Variants in WNT10B observed in about 807,000 individuals in gnomAD.
WNT10B encodes the protein Wnt family member 10B.
Under a neutral mutation model 32.7 loss-of-function variants are expected in WNT10B, and 26 were observed. The observed-to-expected ratio is 0.79, with a 90% CI of 0.58 to 1.10. The LOEUF (loss-of-function observed/expected upper bound fraction) is 1.10, where lower values mean the gene tolerates loss of function less well. WNT10B is among the 50% of genes least tolerant of loss of function. The pLI, the probability that WNT10B is intolerant of heterozygous loss-of-function variation, is 0.00. For missense variants in WNT10B, 474 were observed against 532.5 expected (o/e 0.89, Z 1.08); for synonymous variants, 204 against 220.4 (o/e 0.93, Z 0.66).
Position 48,970,416 on chromosome 12 carries a change from C to T in WNT10B, c.74+40G>A. Reference sequence around the variant, plus strand: ...CCCTCCAACTCTCCCCACCCCGGGTCGGTGTTTCTATGGCCTGGGAGACAA... The same window carrying T: ...CCCTCCAACTCTCCCCACCCCGGGTTGGTGTTTCTATGGCCTGGGAGACAA... On this transcript the variant is annotated intron_variant, in intron 2 of 4. Coordinates refer to ENST00000301061, the MANE Select transcript of WNT10B (RefSeq NM_003394.4). This position sits in a 1 kb window ranked among gnomAD's most constrained non-coding sequence, Gnocchi z 5.0. The T allele has an allele frequency of 6.2e-7, 1 of 1,613,824 alleles. No individual in the cohort carries two copies. The highest frequency in any genetic ancestry group is 1.3e-5 in the African/African-American group (1 of 75,040).
chr12:48,968,090 G>A lies in WNT10B; in HGVS notation c.567C>T (p.Gly189=). 1 of 1,614,240 alleles carries A rather than the reference G, an allele frequency of 6.2e-7. No individual in the cohort carries two copies. The highest frequency in any genetic ancestry group is 8.5e-7 in the Non-Finnish European group (1 of 1,180,042). Reference sequence around the variant, plus strand: ...CACCCCATTCCCATGTGTCCTGGGGGCCAGGGCTGGGGCTTGAGCCAGGGC... The same window carrying A: ...CACCCCATTCCCATGTGTCCTGGGGACCAGGGCTGGGGCTTGAGCCAGGGC... ...SPGPGSSPSP[G]PQDTWEWGGC... is the part of the protein sequence containing the mutation. The change falls in exon 4 of 5, where the codon GGC becomes GGT. Residue 189 remains glycine, a synonymous_variant. Coordinates refer to ENST00000301061, the MANE Select transcript of WNT10B (RefSeq NM_003394.4).
Position 48,966,288 on chromosome 12 carries a change from G to A in WNT10B, c.977C>T (p.Ser326Phe). 5 of 1,614,218 alleles carry A rather than the reference G, an allele frequency of 3.1e-6. No individual in the cohort carries two copies. The highest frequency in any genetic ancestry group is 4.2e-6 in the Non-Finnish European group (5 of 1,180,022). ...GCAGGCCCGGCCCCTTGTCCCTGGG[G>A]AGCCCATAGTGGGGTCTCGCTCACA... ...DFCERDPTMG[S>F]PGTRGRACNK... is the part of the protein sequence containing the mutation. The change falls in exon 5 of 5, where the codon TCC (serine) becomes TTC (phenylalanine). Residue 326 changes from serine to phenylalanine, a missense_variant. By Grantham distance (155) the Ser-to-Phe change is radical. Transcript: ENST00000301061.
In WNT10B at chr12:48,968,142, C is replaced by G; in HGVS notation, c.515G>C (p.Ser172Thr). 6.2e-7 allele frequency: 1 copy of G among 1,614,264 alleles called. No individual in the cohort carries two copies. The highest frequency in any genetic ancestry group is 8.5e-7 in the Non-Finnish European group (1 of 1,180,042). ...LQLQALSRGK[S>T]FPHSLPSPGP... ...AGGGCTGGGCAGAGAGTGGGGGAAACTCTTGCCTCGGGACAGTGCCTGCAG... is the reference window on the plus strand; with the variant it reads ...AGGGCTGGGCAGAGAGTGGGGGAAAGTCTTGCCTCGGGACAGTGCCTGCAG... The change falls in exon 4 of 5, where the codon AGT (serine) becomes ACT (threonine). Residue 172 changes from serine to threonine, a missense_variant. Transcript: ENST00000301061.
Position 48,966,191 on chromosome 12 carries a change from C to T in WNT10B, c.1074G>A (p.Gln358=), listed in dbSNP as rs201293457. 9.0e-5 allele frequency: 145 copies of T among 1,613,658 alleles called. No homozygotes were observed. Among genetic ancestry groups the T allele is most frequent in the Non-Finnish European group, 1.1e-4 (124 of 1,179,874 alleles). The change falls in exon 5 of 5, where the codon CAG becomes CAA. Residue 358 remains glutamine (Q), a synonymous_variant. Coordinates refer to ENST00000301061, the MANE Select transcript of WNT10B (RefSeq NM_003394.4). ...CCGRGHNVLR[Q]TRVERCHCRF... is the part of the protein sequence containing the mutation. The stretch of plus-strand genomic sequence containing the variant: ...GGCAATGGCAGCGCTCAACTCGTGT[C>T]TGCCGGAGCACGTTGTGCCCACGGC...
In WNT10B at chr12:48,966,562, T is replaced by C; in HGVS notation, c.712-9A>G. On this transcript the variant is annotated splice_polypyrimidine_tract_variant and intron_variant, in intron 4 of 4. Transcript: ENST00000301061. ...AGGTTTTCAGTTACCACCTAGAGCATCAGGGGGAAAAGAGGTGAAGCAGAG... is the reference window on the plus strand; with the variant it reads ...AGGTTTTCAGTTACCACCTAGAGCACCAGGGGGAAAAGAGGTGAAGCAGAG... 1.2e-6 allele frequency: 2 copies of C among 1,611,908 alleles called. No individual in the cohort carries two copies. The highest frequency in any genetic ancestry group is 1.7e-6 in the Non-Finnish European group (2 of 1,179,892).
Position 48,966,504 on chromosome 12 carries a change from C to A in WNT10B, c.761G>T (p.Gly254Val). The A allele has an allele frequency of 6.2e-7, 1 of 1,613,974 alleles. No homozygotes were observed. Among genetic ancestry groups the A allele is most frequent in the Non-Finnish European group, 8.5e-7 (1 of 1,180,038 alleles). ...CCAGCATGTCTTGAACTGGCAGCTG[C>A]CTGATGTGCCATGACACTTGCATTT... ...KRKCKCHGTS[G>V]SCQFKTCWRA... is the part of the protein sequence containing the mutation. Residue 254 changes from glycine (G) to valine (V), a missense_variant, in exon 5 of 5, where the codon GGC becomes GTC. By Grantham distance (109) the Gly-to-Val change is moderately radical. Transcript: ENST00000301061.
Position 48,967,976 on chromosome 12 carries a change from C to A in WNT10B, c.681G>T (p.Met227Ile), listed in dbSNP as rs1219207351. The stretch of plus-strand genomic sequence containing the variant: ...GCCCCACCCTGTTGTTGTGGATTCG[C>A]ATTCGTGCCTGGATGTCCCGGGGAG... Reference protein sequence around the residue: ...REAPRDIQARMRIHNNRVGRQ... With the variant: ...REAPRDIQARIRIHNNRVGRQ... Residue 227 changes from methionine to isoleucine, a missense_variant, in exon 4 of 5, where the codon ATG becomes ATT. By Grantham distance (10) the Met-to-Ile change is conservative. Transcript: ENST00000301061. The A allele has an allele frequency of 6.2e-7, 1 of 1,614,264 alleles. No individual in the cohort carries two copies. The highest frequency in any genetic ancestry group is 2.2e-5 in the East Asian group (1 of 44,890).
chr12:48,966,587 G>A, intron 4 of WNT10B, 34 bp from the exon 5 acceptor site: 1 of 1,608,394 alleles, frequency 6.2e-7, no homozygotes, highest in South Asian at 1.1e-5. Context: ...GTGAAGCAGA[G>A]GGCAGCAAAT....
At chr12:48,967,543 G>A (rs1379752210) in intron 4 of WNT10B, among the ~76,000 whole-genome samples, 1 of 151,258 alleles carries the variant, frequency 6.6e-6, no homozygotes, top group African/African-American at 2.4e-5. Context: ...CAGGTGATCT[G>A]CCTGCCTCAG....
At position 48,966,030 on chromosome 12, in the gene WNT10B, CA is replaced by C; in HGVS notation, c.*64del. 1 of 1,586,302 alleles carries C rather than the reference CA, an allele frequency of 6.3e-7. No homozygotes were observed. The highest frequency in any genetic ancestry group is 8.6e-7 in the Non-Finnish European group (1 of 1,162,274). ...GAGTGACCTTGGAAGGAAATCAGAG[CA>C]AAGGGCTGAAAAGGCGCCCCTCTCA... is the stretch of plus-strand genomic sequence containing the variant. On this transcript the variant is annotated 3_prime_UTR_variant, in exon 5 of 5. Transcript: ENST00000301061.
rs866954496 is a variant in WNT10B at position 48,970,544 on chromosome 12, G to T, written c.-15C>A. Reference sequence around the variant, plus strand: ...TCCTCCAGCATGTCGAAGCCCGGAGGCTCCGGTGGGCAGATCGATCAGGAC... The same window carrying T: ...TCCTCCAGCATGTCGAAGCCCGGAGTCTCCGGTGGGCAGATCGATCAGGAC... On this transcript the variant is annotated 5_prime_UTR_variant, in exon 2 of 5. Transcript: ENST00000301061. The surrounding 1 kb of genome is among the most constrained non-coding windows in gnomAD (Gnocchi z 5.0). 14 of 1,566,252 alleles carry T rather than the reference G, an allele frequency of 8.9e-6. No homozygotes were observed. Among genetic ancestry groups the T allele is most frequent in the Non-Finnish European group, 1.1e-5 (13 of 1,155,016 alleles).
Position 48,966,904 on chromosome 12 carries a change from G to T in WNT10B, c.712-351C>A, listed in dbSNP as rs192266612. 3.9e-5 allele frequency among the ~76,000 whole-genome samples: 6 copies of T among 152,310 alleles called. No homozygotes were observed. In the East Asian group the frequency reaches 1.2e-3, roughly 29 times the overall value. On this transcript the variant is annotated intron_variant, in intron 4 of 4. Transcript: ENST00000301061. ...CAGCATGCCTAAATTCTGTAGGGAA[G>T]GTAGCTGTAATAAGAGCTACTATGC...
chr12:48,968,805 T>C (rs566832622), intron 3 of WNT10B, among the ~76,000 whole-genome samples: 15 of 150,992 alleles, frequency 9.9e-5, no homozygotes, highest in African/African-American at 3.7e-4. Flanking sequence ...TTTTTTTAAA[T>C]TCACTTCAGG....
rs373412829 is a variant in WNT10B, at chr12:48,970,494, C to T, written c.36G>A (p.Ser12=). The change falls in exon 2 of 5, where the codon TCG becomes TCA. Residue 12 remains serine (S), a synonymous_variant. Coordinates refer to ENST00000301061, the MANE Select transcript of WNT10B (RefSeq NM_003394.4). The surrounding 1 kb of genome is among the most constrained non-coding windows in gnomAD (Gnocchi z 5.0). ...CCAGGAACAGGAGACCCGCGAGGCC[C>T]GAGGGCGGAGGCCGCGGCCGGGGCT... The part of the protein sequence containing the change: ...LEEPRPRPPP[S]GLAGLLFLAL... The T allele has an allele frequency of 1.1e-3, 1,825 of 1,609,200 alleles. 6 individuals are homozygous for T. The highest frequency in any genetic ancestry group is 1.5e-3 in the Middle Eastern group (9 of 6,060).
chr12:48,970,068 G>A lies in WNT10B; in HGVS notation c.337+21C>T. 3.4e-6 allele frequency: 5 copies of A among 1,492,538 alleles called. No homozygotes were observed. Among genetic ancestry groups the A allele is most frequent in the Non-Finnish European group, 4.5e-6 (5 of 1,123,162 alleles). The allele number at this position is 1,492,538 out of a possible 1,614,324, so 92.5% of individuals were successfully genotyped here. A position where few individuals can be genotyped will look rare whatever the true frequency, so the allele number is the denominator to read the frequency against. ...ACCCCCTAGCCTCCGCGGCAGCGCC[G>A]ACCCGCCCAGCCAGGCTCACCGCGC... On this transcript the variant is annotated intron_variant, in intron 3 of 4. Coordinates refer to ENST00000301061, the MANE Select transcript of WNT10B (RefSeq NM_003394.4). The surrounding 1 kb of genome is among the most constrained non-coding windows in gnomAD (Gnocchi z 5.0).
In WNT10B at chr12:48,970,277, G is replaced by GT. The variant is rs763614496; in HGVS notation, c.148dup (p.Thr50AsnfsTer49). 1.2e-6 allele frequency: 2 copies of GT among 1,613,858 alleles called. No homozygotes were observed. Among genetic ancestry groups the GT allele is most frequent in the East Asian group, 4.5e-5 (2 of 44,870 alleles). ...CTGCCGCTTGCTCAGGCCGGACAGCGTCAAGCACACGGTGTTGGCCGTCAG... is the reference window on the plus strand; with the variant it reads ...CTGCCGCTTGCTCAGGCCGGACAGCGTTCAAGCACACGGTGTTGGCCGTCAG... On this transcript the variant is annotated frameshift_variant, in exon 3 of 5. Coordinates refer to ENST00000301061, the MANE Select transcript of WNT10B (RefSeq NM_003394.4). LOFTEE classifies it high-confidence loss of function. The surrounding 1 kb of genome is among the most constrained non-coding windows in gnomAD (Gnocchi z 5.0).
chr12:48,970,661 G>T lies in WNT10B; in HGVS notation c.-40-92C>A. The stretch of plus-strand genomic sequence containing the variant: ...CCTTCTTCGGGCTCCTAACCCACCG[G>T]TGCCACCCTACTGACCCTTCTCATT... On this transcript the variant is annotated intron_variant, in intron 1 of 4. Coordinates refer to ENST00000301061, the MANE Select transcript of WNT10B (RefSeq NM_003394.4). The surrounding 1 kb of genome is among the most constrained non-coding windows in gnomAD (Gnocchi z 5.0). The T allele has an allele frequency of 1.1e-6, 1 of 944,142 alleles. No individual in the cohort carries two copies. 58.5% of individuals were successfully genotyped at this position (944,142 alleles called of 1,614,324 possible).
intron 4 of WNT10B, among the ~76,000 whole-genome samples, chr12:48,967,643 G>T (rs1369173295): frequency 6.6e-6 from 1 of 152,032 alleles, no homozygotes; most frequent in Non-Finnish European, 1.5e-5. Context: ...ATAGAGATGG[G>T]GTCTCACAAC....
chr12:48,965,768 C>T lies in WNT10B; in HGVS notation c.*327G>A. On this transcript the variant is annotated 3_prime_UTR_variant, in exon 5 of 5. Coordinates refer to ENST00000301061, the MANE Select transcript of WNT10B (RefSeq NM_003394.4). ...GGAGTGGTGAAACTATAGGGACTCC[C>T]CAGCCAAAAGGAGTATGAATCAGGG... The T allele has an allele frequency of 2.9e-6, 1 of 348,218 alleles. No individual in the cohort carries two copies. Among genetic ancestry groups the T allele is most frequent in the Non-Finnish European group, 5.4e-6 (1 of 184,142 alleles). The allele number at this position is 348,218 out of a possible 1,614,324, so 21.6% of individuals were successfully genotyped here.
Sources: allele counts gnomAD v4.1 joint callset (sites outside exome capture counted in the v4.1 genomes callset), GRCh38; gene constraint gnomAD v4.1.1; non-coding constraint Gnocchi (gnomAD v3.1); transcripts MANE v1.5; gene names NCBI Gene and HGNC (gene_info 2026-07-23, HGNC 2026-07-21).